TBC1D31: variants seen among roughly 807,000 people sequenced by gnomAD.
The protein encoded by TBC1D31 is WD repeat domain 67.
Under a neutral mutation model 132.9 loss-of-function variants are expected in TBC1D31, and 99 were observed. The observed-to-expected ratio is 0.74, with a 90% CI of 0.63 to 0.88. The LOEUF is 0.88. TBC1D31 is among the 40% of genes least tolerant of loss of function. The pLI is 0.00. For missense variants in TBC1D31, 1,134 were observed against 1,256.6 expected, an observed-to-expected ratio of 0.90 and a Z score of 1.48; for synonymous variants, 385 against 419.4, an observed-to-expected ratio of 0.92 and a Z score of 1.00.
chr8:123,147,762 A>C (rs1822364219), intron 20 of TBC1D31, among the ~76,000 whole-genome samples: 1 of 152,190 alleles, frequency 6.6e-6, no homozygotes, highest in African/African-American at 2.4e-5. Context: ...TCATGTTCTT[A>C]ATCAGGGTAT....
At chr8:123,073,077 C>A (rs889755910) in intron 1 of TBC1D31, among the ~76,000 whole-genome samples, 1 of 152,126 alleles carries the variant, frequency 6.6e-6, no homozygotes, top group Non-Finnish European at 1.5e-5. Context: ...AGGAGGAGGC[C>A]GGTGGTTCTC....
At chr8:123,151,779 T>C (rs1283426513) in intron 21 of TBC1D31, 27 bp from the exon 22 acceptor site, 1 of 1,543,690 alleles carries the variant, frequency 6.5e-7, no homozygotes, top group Non-Finnish European at 8.6e-7. Context: ...AACTCAGCTT[T>C]TCTAAATTTT....
intron 3 of TBC1D31, chr8:123,083,384 C>A (rs1232267299): frequency 6.6e-6 from 1 of 152,228 alleles, no homozygotes; most frequent in Non-Finnish European, 1.5e-5. Flanking sequence ...GTATCTCACA[C>A]TGATAAACCT....
intron 2 of TBC1D31, among the ~76,000 whole-genome samples, chr8:123,078,278 A>G (rs1244532122): frequency 1.3e-5 from 2 of 152,158 alleles, no homozygotes; most frequent in Non-Finnish European, 2.9e-5. Context: ...TCAACTAAAT[A>G]TATTAGGGAT....
the TBC1D31 span, among the ~76,000 whole-genome samples, chr8:123,157,751 A>G: frequency 6.6e-6 from 1 of 151,338 alleles, no homozygotes; most frequent in Admixed American, 6.6e-5. Context: ...ACCCGCTGTT[A>G]CGGCCCCCAC....
intron 7 of TBC1D31, 132 bp from the exon 8 acceptor site, chr8:123,105,156 A>T: frequency 1.8e-6 from 1 of 565,034 alleles, no homozygotes; most frequent in Non-Finnish European, 2.7e-6. Context: ...CATTTTACTT[A>T]AGTTTTTTGC....
At chr8:123,127,493 G>A (rs779943485) in intron 13 of TBC1D31, among the ~76,000 whole-genome samples, 26 of 150,950 alleles carry the variant, frequency 1.7e-4, no homozygotes, top group Non-Finnish European at 2.4e-4. Flanking sequence ...GGCTGGTCTC[G>A]AACCCCTTAC....
chr8:123,084,395 C>T, intron 4 of TBC1D31, 55 bp downstream of exon 4: 1 of 1,509,764 alleles, frequency 6.6e-7, no homozygotes. Context: ...ATTTCTTGGT[C>T]AACAGGATGT....
In TBC1D31 at chr8:123,142,581, G is replaced by A. The variant is rs542010568; in HGVS notation, c.2835+125G>A. On this transcript the variant is annotated intron_variant, in intron 19 of 21. Coordinates refer to ENST00000287380, the MANE Select transcript of TBC1D31 (RefSeq NM_145647.4). ...ACTCGGGGCCTTAAGCAATCTGCCTGCATCAGCCTCCCAAAGTGCTGGGAT... is the reference window on the plus strand; with the variant it reads ...ACTCGGGGCCTTAAGCAATCTGCCTACATCAGCCTCCCAAAGTGCTGGGAT... 1.6e-5 allele frequency: 11 copies of A among 689,684 alleles called. No homozygotes were observed. The Admixed American group carries it at 2.3e-4, about 15-fold the overall frequency. 42.7% of individuals were successfully genotyped at this position (689,684 alleles called of 1,614,324 possible).
downstream of TBC1D31, among the ~76,000 whole-genome samples, chr8:123,157,142 C>A (rs1182501267): frequency 6.6e-6 from 1 of 151,892 alleles, no homozygotes; most frequent in African/African-American, 2.4e-5. Flanking sequence ...GCAGATATGT[C>A]TTTTCCCCTT....
chr8:123,150,859 A>G (rs1586753375), intron 21 of TBC1D31, among the ~76,000 whole-genome samples: 1 of 152,274 alleles, frequency 6.6e-6, no homozygotes, highest in Non-Finnish European at 1.5e-5. Context: ...TTTTTTTTCA[A>G]TAAAATTGCC....
intron 15 of TBC1D31, among the ~76,000 whole-genome samples, chr8:123,129,878 T>C (rs1477612624): frequency 3.3e-5 from 5 of 152,218 alleles, no homozygotes; most frequent in Non-Finnish European, 7.3e-5. Flanking sequence ...AGTAATGGGA[T>C]AAACATTGAG....
chr8:123,146,941 T>G (rs1003089920), intron 20 of TBC1D31, among the ~76,000 whole-genome samples: 1 of 152,146 alleles, frequency 6.6e-6, no homozygotes, highest in African/African-American at 2.4e-5. Context: ...CCTCCCAAAG[T>G]GCTGGGATTA....
chr8:123,156,047 C>G (rs1225465076), downstream of TBC1D31, among the ~76,000 whole-genome samples: 1 of 152,082 alleles, frequency 6.6e-6, no homozygotes, highest in East Asian at 1.9e-4. Context: ...GCACTAAGAC[C>G]CATTGAGTAA....
In TBC1D31 at chr8:123,089,686, C is replaced by T. The variant is rs535319261; in HGVS notation, c.520-3905C>T. On this transcript the variant is annotated intron_variant, in intron 4 of 21. Coordinates refer to ENST00000287380, the MANE Select transcript of TBC1D31 (RefSeq NM_145647.4). ...TCACACCACTGTGCTGCAGCCTGGG[C>T]GACAGAGTGAGCTCCTGTCTCAAAA... Among the ~76,000 whole-genome samples, 23 of 152,272 alleles carry T rather than the reference C, an allele frequency of 1.5e-4. No individual in the cohort carries two copies. The South Asian group carries it at 3.9e-3, about 26-fold the overall frequency.
intron 20 of TBC1D31, among the ~76,000 whole-genome samples, chr8:123,146,475 C>T (rs185683967): frequency 6.6e-6 from 1 of 152,276 alleles, no homozygotes; most frequent in Non-Finnish European, 1.5e-5. Context: ...GAGATTCAAC[C>T]ATGTTGTAGC....
intron 21 of TBC1D31, 106 bp downstream of exon 21, chr8:123,150,234 C>T: frequency 1.2e-6 from 1 of 800,736 alleles, no homozygotes; most frequent in South Asian, 1.6e-5. Context: ...GCCATTTTCC[C>T]AGGGCACTGA....
intron 16 of TBC1D31, 87 bp downstream of exon 16, chr8:123,130,420 C>A: frequency 3.9e-6 from 5 of 1,273,124 alleles, no homozygotes; most frequent in Non-Finnish European, 5.3e-6. Context: ...AAATAATATT[C>A]TTAGAGTCCA....
chr8:123,098,110 C>A (rs1220275889), intron 6 of TBC1D31, among the ~76,000 whole-genome samples: 1 of 151,996 alleles, frequency 6.6e-6, no homozygotes, highest in Non-Finnish European at 1.5e-5. Context: ...TATATCATGT[C>A]CATTTTACTT....
Sources: allele counts gnomAD v4.1 joint callset (sites outside exome capture counted in the v4.1 genomes callset), GRCh38; gene constraint gnomAD v4.1.1; transcripts MANE v1.5; gene names NCBI Gene and HGNC (gene_info 2026-07-23, HGNC 2026-07-21).